ALPL: variants seen among roughly 807,000 people sequenced by gnomAD.
ALPL encodes the protein alkaline phosphatase, biomineralization associated.
In ALPL, 42 loss-of-function variants were observed where a neutral mutation model predicts 51.3. That is an observed-to-expected ratio of 0.82 (90% CI 0.64 to 1.06). ALPL has a LOEUF of 1.06. Ranked by LOEUF, ALPL falls within the 50% of genes least tolerant of loss-of-function variation. ALPL has a pLI of 0.00. For synonymous variants in ALPL, 279 were observed against 296.4 expected (o/e 0.94, Z 0.60); for missense variants, 589 against 709.4 (o/e 0.83, Z 1.93).
At chr1:21,576,263 A>ATGGATGGG (rs1558557884) in intron 10 of ALPL, among the ~76,000 whole-genome samples, 1 of 52,396 alleles carries the variant, frequency 1.9e-5, no homozygotes, top group Admixed American at 2.5e-4. Flanking sequence ...TGATGGATGG[A>ATGGATGGG]TGGATGGGTG....
At chr1:21,513,191 T>C (rs1643726073) in intron 1 of ALPL, among the ~76,000 whole-genome samples, 2 of 152,062 alleles carry the variant, frequency 1.3e-5, no homozygotes, top group Non-Finnish European at 2.9e-5. Context: ...TCAACTGGGC[T>C]CTTGGTGCAC....
At chr1:21,532,739 G>A (rs1260677468) in intron 1 of ALPL, among the ~76,000 whole-genome samples, 3 of 152,204 alleles carry the variant, frequency 2.0e-5, no homozygotes, top group African/African-American at 7.2e-5. Context: ...TGTTCCAGCA[G>A]CTTAGACTTC....
At chr1:21,549,124 G>A (rs777747856) in intron 1 of ALPL, among the ~76,000 whole-genome samples, 1 of 152,182 alleles carries the variant, frequency 6.6e-6, no homozygotes, top group Non-Finnish European at 1.5e-5. Context: ...GTTTCTGCAG[G>A]TTCTTGGCAT....
chr1:21,560,669 G>C lies in ALPL; in HGVS notation c.105G>C (p.Glu35Asp). 4 of 1,614,188 alleles carry C rather than the reference G, an allele frequency of 2.5e-6. No homozygotes were observed. The highest frequency in any genetic ancestry group is 3.4e-6 in the Non-Finnish European group (4 of 1,180,040). Residue 35 changes from glutamate to aspartate, a missense_variant, in exon 3 of 12, where the codon GAG (glutamate) becomes GAC (aspartate). Transcript: ENST00000374840. Reference sequence around the variant, plus strand: ...AGTACTGGCGAGACCAAGCGCAAGAGACACTGAAATATGCCCTGGAGCTTC... The same window carrying C: ...AGTACTGGCGAGACCAAGCGCAAGACACACTGAAATATGCCCTGGAGCTTC... ...DPKYWRDQAQETLKYALELQK... is the reference protein window; with the variant it reads ...DPKYWRDQAQDTLKYALELQK...
chr1:21,539,999 G>A (rs558637293), intron 1 of ALPL, among the ~76,000 whole-genome samples: 6 of 152,072 alleles, frequency 3.9e-5, no homozygotes, highest in Non-Finnish European at 7.4e-5. Context: ...AGGATGGGCC[G>A]GCCATGTCTC....
chr1:21,523,722 C>T (rs1394635715), intron 1 of ALPL, among the ~76,000 whole-genome samples: 1 of 152,176 alleles, frequency 6.6e-6, no homozygotes, highest in African/African-American at 2.4e-5. Flanking sequence ...GACAACCACC[C>T]TCCAACATGG....
chr1:21,548,358 A>G (rs944604327), intron 1 of ALPL, among the ~76,000 whole-genome samples: 14 of 152,224 alleles, frequency 9.2e-5, no homozygotes, highest in African/African-American at 2.7e-4. Flanking sequence ...AGCGGAGGCT[A>G]TGGGAGAAGG....
chr1:21,541,543 G>C (rs781310084), intron 1 of ALPL, among the ~76,000 whole-genome samples: 1 of 152,222 alleles, frequency 6.6e-6, no homozygotes, highest in Non-Finnish European at 1.5e-5. Context: ...TGCCAGCCAC[G>C]GGGCTGCTGC....
At chr1:21,555,777 T>C (rs985768844) in intron 2 of ALPL, among the ~76,000 whole-genome samples, 5 of 151,756 alleles carry the variant, frequency 3.3e-5, no homozygotes, top group Admixed American at 6.6e-5. Context: ...GTTTTTTGTT[T>C]TTCTTTTTTT....
intron 1 of ALPL, among the ~76,000 whole-genome samples, chr1:21,519,780 G>A (rs1357349852): frequency 6.6e-6 from 1 of 152,218 alleles, no homozygotes. Flanking sequence ...CTGAGTGACA[G>A]AGTGAGACTG....
intron 1 of ALPL, among the ~76,000 whole-genome samples, chr1:21,552,857 G>A (rs1406066899): frequency 2.6e-5 from 4 of 152,108 alleles, no homozygotes; most frequent in Non-Finnish European, 5.9e-5. Flanking sequence ...ACAACAAATG[G>A]TGTCATATCT....
At chr1:21,568,831 C>T (rs4654759) in intron 7 of ALPL, among the ~76,000 whole-genome samples, 40 of 151,650 alleles carry the variant, frequency 2.6e-4, no homozygotes, top group Admixed American at 2.6e-4. Flanking sequence ...GGCTGGAGGA[C>T]GGAATAGATT....
chr1:21,558,910 C>G (rs1348522861), intron 2 of ALPL, among the ~76,000 whole-genome samples: 1 of 152,226 alleles, frequency 6.6e-6, no homozygotes, highest in African/African-American at 2.4e-5. Context: ...GGGCCCTAAT[C>G]TCAGGCTCTC....
chr1:21,554,213 G>T, intron 2 of ALPL, 71 bp downstream of exon 2: 1 of 1,480,976 alleles, frequency 6.8e-7, no homozygotes, highest in South Asian at 1.1e-5. Flanking sequence ...CAGTGTCTAT[G>T]TTTTAAGGTC....
chr1:21,538,098 G>C (rs187627055), intron 1 of ALPL, among the ~76,000 whole-genome samples: 1 of 152,192 alleles, frequency 6.6e-6, no homozygotes, highest in African/African-American at 2.4e-5. Flanking sequence ...TGTTTAATGC[G>C]TACCAGGCCC....
At position 21,564,118 on chromosome 1, in the gene ALPL, C is replaced by G; in HGVS notation, c.550C>G (p.Arg184Gly). Residue 184 changes from arginine to glycine, a missense_variant, in exon 6 of 12, where the codon CGG becomes GGG. Coordinates refer to ENST00000374840, the MANE Select transcript of ALPL (RefSeq NM_000478.6). This position sits in a 1 kb window ranked among gnomAD's most constrained non-coding sequence, Gnocchi z 5.8. ...PSAAYAHSAD[R>G]DWYSDNEMPP... is the part of the protein sequence containing the mutation. Reference sequence around the variant, plus strand: ...CGCCGCCTACGCCCACTCGGCTGACCGGGACTGGTACTCAGACAACGAGAT... The same window carrying G: ...CGCCGCCTACGCCCACTCGGCTGACGGGGACTGGTACTCAGACAACGAGAT... 2 of 1,614,048 alleles carry G rather than the reference C, an allele frequency of 1.2e-6. No individual in the cohort carries two copies. The highest frequency in any genetic ancestry group is 1.7e-6 in the Non-Finnish European group (2 of 1,180,016).
chr1:21,561,626 G>A (rs1350766840), intron 4 of ALPL, among the ~76,000 whole-genome samples: 1 of 150,866 alleles, frequency 6.6e-6, no homozygotes, highest in Admixed American at 6.6e-5. Flanking sequence ...CCCAGTCTTG[G>A]GATTACAGGC....
intron 1 of ALPL, among the ~76,000 whole-genome samples, chr1:21,547,523 G>A (rs1410297871): frequency 1.3e-5 from 2 of 152,184 alleles, no homozygotes; most frequent in Admixed American, 6.5e-5. Context: ...GGCCGCTCAG[G>A]TAGGGGAACT....
rs1437569399 is a variant in ALPL, at chr1:21,564,674, C to T, written c.648+458C>T. On this transcript the variant is annotated intron_variant, in intron 6 of 11. Coordinates refer to ENST00000374840, the MANE Select transcript of ALPL (RefSeq NM_000478.6). The surrounding 1 kb of genome is among the most constrained non-coding windows in gnomAD (Gnocchi z 5.8). Reference sequence around the variant, plus strand: ...GCTCTCGTGTTTAAACTTCCGAGTTCCAGACCTTGCCCTGCGTGTTGCTAG... The same window carrying T: ...GCTCTCGTGTTTAAACTTCCGAGTTTCAGACCTTGCCCTGCGTGTTGCTAG... 9.9e-5 allele frequency among the ~76,000 whole-genome samples: 15 copies of T among 152,216 alleles called. No homozygotes were observed. The highest frequency in any genetic ancestry group is 9.2e-4 in the Admixed American group (14 of 15,284).
Sources: allele counts gnomAD v4.1 joint callset (sites outside exome capture counted in the v4.1 genomes callset), GRCh38; gene constraint gnomAD v4.1.1; non-coding constraint Gnocchi (gnomAD v3.1); transcripts MANE v1.5; gene names NCBI Gene and HGNC (gene_info 2026-07-23, HGNC 2026-07-21).